The following STAP1 variants were observed in gnomAD, a reference collection of about 807,000 sequenced individuals.
The protein encoded by STAP1 is signal transducing adaptor family member 1, also known as signal-transducing adaptor protein 1.
A neutral mutation model predicts 37.8 loss-of-function variants in STAP1; 30 were observed. The observed-to-expected ratio is 0.79, with a 90% confidence interval of 0.59 to 1.08. The LOEUF (loss-of-function observed/expected upper bound fraction) is 1.08, where lower values mean the gene tolerates loss of function less well. Ranked by LOEUF, STAP1 falls within the 50% of genes least tolerant of loss-of-function variation. The pLI is 0.00. For missense variants in STAP1, 357 were observed against 349.4 expected (o/e 1.02, Z -0.17); for synonymous variants, 130 against 116.0 (o/e 1.12, Z -0.78).
At chr4:67,586,721 A>G (rs1228343282) in intron 6 of STAP1, among the ~76,000 whole-genome samples, 1 of 152,236 alleles carries the variant, frequency 6.6e-6, no homozygotes, top group Non-Finnish European at 1.5e-5. Flanking sequence ...AGTTCATATC[A>G]AAGTTGCATA....
chr4:67,590,924 C>A lies in STAP1; in HGVS notation c.700C>A (p.Gln234Lys), dbSNP rs758407332. The A allele has an allele frequency of 6.2e-7, 1 of 1,612,294 alleles. No individual in the cohort carries two copies. The highest frequency in any genetic ancestry group is 2.2e-5 in the East Asian group (1 of 44,750). ...GCACTACAAAGTGATGAGCGTAGGA[C>A]AAAACTACACTATTGAACTGGAAAA... ...IKHYKVMSVG[Q>K]NYTIELEKPV... is the part of the protein sequence containing the mutation. The change falls in exon 7 of 9, where the codon CAA becomes AAA. Residue 234 changes from glutamine to lysine, a missense_variant. Physicochemically the swap from Gln to Lys is moderately conservative, Grantham distance 53 (BLOSUM62 1). Coordinates refer to ENST00000265404, the MANE Select transcript of STAP1 (RefSeq NM_012108.4).
At position 67,606,444 on chromosome 4, in the gene STAP1, C is replaced by A; in HGVS notation, c.*87C>A. The stretch of plus-strand genomic sequence containing the variant: ...ACTTTTAAAGAGAATTACCTATATT[C>A]TCCTGATACTGATTACCAAGTCATT... On this transcript the variant is annotated 3_prime_UTR_variant, in exon 9 of 9. Transcript: ENST00000265404. The A allele has an allele frequency of 2.7e-6, 3 of 1,090,946 alleles. 1 individual carries two copies. The highest frequency in any genetic ancestry group is 3.2e-5 in the South Asian group (2 of 62,602). The allele number at this position is 1,090,946 out of a possible 1,614,324, so 67.6% of individuals were successfully genotyped here. A position where few individuals can be genotyped will look rare whatever the true frequency, so the allele number is the denominator to read the frequency against.
intron 6 of STAP1, among the ~76,000 whole-genome samples, chr4:67,585,719 TTTAA>T (rs1727966128): frequency 6.6e-6 from 1 of 152,256 alleles, no homozygotes; most frequent in Non-Finnish European, 1.5e-5. Flanking sequence ...TGATGTATAA[TTTAA>T]TTGACTGTCT....
intron 1 of STAP1, among the ~76,000 whole-genome samples, chr4:67,562,248 A>G (rs1041513569): frequency 7.9e-5 from 12 of 151,368 alleles, no homozygotes; most frequent in African/African-American, 2.4e-4. Flanking sequence ...AGGCTGAGGC[A>G]GGAGAATCGC....
Position 67,590,888 on chromosome 4 carries a change from C to A in STAP1, c.664C>A (p.Pro222Thr). Residue 222 changes from proline (P) to threonine (T), a missense_variant, in exon 7 of 9, where the codon CCA becomes ACA. Physicochemically the swap from Pro to Thr is conservative, Grantham distance 38. Transcript: ENST00000265404. ...TAACCATTTGTTTCATTGTAGCATT[C>A]CAAGAATCAAGCACTACAAAGTGAT... ...SITIRQEIDI[P>T]RIKHYKVMSV... The A allele has an allele frequency of 1.9e-6, 3 of 1,608,458 alleles. No individual in the cohort carries two copies. The highest frequency in any genetic ancestry group is 2.5e-6 in the Non-Finnish European group (3 of 1,177,496).
intron 2 of STAP1, 107 bp from the exon 3 acceptor site, chr4:67,575,278 A>G: frequency 4.6e-6 from 3 of 653,444 alleles, no homozygotes; most frequent in South Asian, 2.4e-5. Flanking sequence ...GATATCATAC[A>G]AAGTACTAAT....
At chr4:67,583,334 C>G (rs1455430762) in intron 5 of STAP1, among the ~76,000 whole-genome samples, 1 of 152,130 alleles carries the variant, frequency 6.6e-6, no homozygotes, top group Non-Finnish European at 1.5e-5. Flanking sequence ...TTTTCAGGTT[C>G]TCTTTGTATA....
intron 6 of STAP1, among the ~76,000 whole-genome samples, chr4:67,585,150 G>A (rs7664007): frequency 0.7 from 106,525 of 152,040 alleles, 39,693 homozygotes; most frequent in Non-Finnish European, 0.84. Context: ...ACATAAAAAT[G>A]TTCAGTAAAT....
chr4:67,605,170 A>G (rs191273868), intron 8 of STAP1, among the ~76,000 whole-genome samples: 1 of 152,138 alleles, frequency 6.6e-6, no homozygotes, highest in African/African-American at 2.4e-5. Context: ...CAGTTCTGTG[A>G]GACTGCAGTT....
At chr4:67,594,013 C>T (rs1318261092) in intron 8 of STAP1, among the ~76,000 whole-genome samples, 1 of 152,136 alleles carries the variant, frequency 6.6e-6, no homozygotes, top group African/African-American at 2.4e-5. Context: ...GTTTACACAC[C>T]CTTGAAACTG....
intron 3 of STAP1, among the ~76,000 whole-genome samples, chr4:67,576,531 G>T (rs1727724653): frequency 6.6e-6 from 1 of 152,212 alleles, no homozygotes; most frequent in East Asian, 1.9e-4. Context: ...AGTAATACCT[G>T]TGAAGTGCTT....
At chr4:67,592,532 A>G (rs1262773349) in intron 7 of STAP1, among the ~76,000 whole-genome samples, 3 of 152,216 alleles carry the variant, frequency 2.0e-5, no homozygotes, top group African/African-American at 7.2e-5. Context: ...AGAACATAGA[A>G]TGACTGGAAG....
intron 8 of STAP1, among the ~76,000 whole-genome samples, chr4:67,600,679 A>C (rs1185360781): frequency 6.6e-6 from 1 of 152,134 alleles, no homozygotes; most frequent in Non-Finnish European, 1.5e-5. Context: ...CATTGGGTGC[A>C]TATATATTAT....
At chr4:67,599,889 G>C (rs1036044043) in intron 8 of STAP1, among the ~76,000 whole-genome samples, 6 of 152,062 alleles carry the variant, frequency 3.9e-5, no homozygotes, top group Non-Finnish European at 7.4e-5. Flanking sequence ...TGATCCACCT[G>C]CCTCGGACTC....
intron 8 of STAP1, among the ~76,000 whole-genome samples, chr4:67,601,151 AAAT>A (rs1728333900): frequency 6.6e-6 from 1 of 152,000 alleles, no homozygotes; most frequent in African/African-American, 2.4e-5. Context: ...TTTAAATTTG[AAAT>A]ACCATTAAGT....
rs750142226 is a variant in STAP1 at position 67,571,110 on chromosome 4, G to A, written c.147G>A (p.Leu49=). ...AGTATGAGCATTACTGGACAGAGTT[G>A]AGAGGAACTACTCTTTTCTTTTATA... is the stretch of plus-strand genomic sequence containing the variant. ...YREYEHYWTE[L]RGTTLFFYTD... The change falls in exon 2 of 9, where the codon TTG becomes TTA. Residue 49 remains leucine (L), a synonymous_variant. Coordinates refer to ENST00000265404, the MANE Select transcript of STAP1 (RefSeq NM_012108.4). 1 of 1,611,796 alleles carries A rather than the reference G, an allele frequency of 6.2e-7. No homozygotes were observed. Among genetic ancestry groups the A allele is most frequent in the Non-Finnish European group, 8.5e-7 (1 of 1,178,056 alleles).
chr4:67,594,087 C>A (rs1465308765), intron 8 of STAP1, among the ~76,000 whole-genome samples: 1 of 152,212 alleles, frequency 6.6e-6, no homozygotes, highest in Non-Finnish European at 1.5e-5. Flanking sequence ...CTCTCTCTAT[C>A]TTATGCAACA....
Position 67,593,294 on chromosome 4 carries a change from A to G in STAP1, c.764A>G (p.Tyr255Cys). Reference protein sequence around the residue: ...TLPNLFSVIDYFVKETRGNLR... With the variant: ...TLPNLFSVIDCFVKETRGNLR... ...CCAAACCTTTTCAGTGTCATTGATTATTTTGTGAAGGAGACTCGAGGAAAT... is the reference window on the plus strand; with the variant it reads ...CCAAACCTTTTCAGTGTCATTGATTGTTTTGTGAAGGAGACTCGAGGAAAT... Residue 255 changes from tyrosine (Y) to cysteine (C), a missense_variant, in exon 8 of 9, where the codon TAT (tyrosine) becomes TGT (cysteine). By Grantham distance (194) the Tyr-to-Cys change is radical. Transcript: ENST00000265404. 6.2e-7 allele frequency: 1 copy of G among 1,613,468 alleles called. No individual in the cohort carries two copies. The highest frequency in any genetic ancestry group is 8.5e-7 in the Non-Finnish European group (1 of 1,179,730).
intron 8 of STAP1, among the ~76,000 whole-genome samples, chr4:67,602,691 TCCC>T (rs912757108): frequency 1.3e-5 from 2 of 152,014 alleles, no homozygotes; most frequent in Non-Finnish European, 2.9e-5. Context: ...TCCCTTACTT[TCCC>T]CCCAACAAAT....
Sources: allele counts gnomAD v4.1 joint callset (sites outside exome capture counted in the v4.1 genomes callset), GRCh38; gene constraint gnomAD v4.1.1; transcripts MANE v1.5; gene names NCBI Gene and HGNC (gene_info 2026-07-23, HGNC 2026-07-21).